Variants in MYH10 observed in about 807,000 individuals in gnomAD.
MYH10 encodes myosin-10.
A neutral mutation model predicts 257.8 loss-of-function variants in MYH10; 55 were observed. The ratio of observed to expected loss-of-function variants is 0.21; its 90% confidence interval spans 0.17 to 0.27. The LOEUF (loss-of-function observed/expected upper bound fraction) is 0.27, where lower values mean the gene tolerates loss of function less well. Among genes scored for constraint, MYH10 ranks in the 10% least tolerant of loss-of-function variants. The pLI is 1.00. For missense variants in MYH10, 1,631 were observed against 2,500.6 expected, an observed-to-expected ratio of 0.65 and a Z score of 7.42; for synonymous variants, 854 against 921.7, an observed-to-expected ratio of 0.93 and a Z score of 1.33.
At chr17:8,515,460 A>G (rs1303609836) in intron 21 of MYH10, among the ~76,000 whole-genome samples, 1 of 151,708 alleles carries the variant, frequency 6.6e-6, no homozygotes, top group Non-Finnish European at 1.5e-5. Context: ...CCACTGCTTC[A>G]TAACTGATTT....
Position 8,585,286 on chromosome 17 carries a change from G to GTATA in MYH10, c.530+3794_530+3795insTATA, listed in dbSNP as rs71361807. Among the ~76,000 whole-genome samples, 154 of 84,620 alleles carry GTATA rather than the reference G, an allele frequency of 1.8e-3. 5 individuals are homozygous for GTATA. Among genetic ancestry groups the GTATA allele is most frequent in the East Asian group, 4.3e-3 (10 of 2,332 alleles). The allele number at this position is 84,620 out of a possible 152,430, so 55.5% of individuals were successfully genotyped here. A position where few individuals can be genotyped will look rare whatever the true frequency, so the allele number is the denominator to read the frequency against. ...TGTATATATATGTGCATGTGTGTGTGTGTATATATATATATATATAGCTAC... is the reference window on the plus strand; with the variant it reads ...TGTATATATATGTGCATGTGTGTGTGTATATGTATATATATATATATATAGCTAC... On this transcript the variant is annotated intron_variant, in intron 4 of 42. Coordinates refer to ENST00000360416, the MANE Select transcript of MYH10 (RefSeq NM_001256012.3).
At chr17:8,523,708 C>A (rs139522435) in intron 17 of MYH10, among the ~76,000 whole-genome samples, 1 of 152,114 alleles carries the variant, frequency 6.6e-6, no homozygotes. Flanking sequence ...AGTCCAGGGT[C>A]TAGGCGATGA....
At chr17:8,512,232 T>C (rs1324353914) in intron 24 of MYH10, among the ~76,000 whole-genome samples, 2 of 152,130 alleles carry the variant, frequency 1.3e-5, no homozygotes, top group African/African-American at 2.4e-5. Context: ...ACTTAGAACA[T>C]AAAAAAGATT....
In MYH10 at chr17:8,553,006, A is replaced by T. The variant is rs187191437; in HGVS notation, c.821-862T>A. Among the ~76,000 whole-genome samples, 3 of 152,340 alleles carry T rather than the reference A, an allele frequency of 2.0e-5. No individual in the cohort carries two copies. The East Asian group carries it at 5.8e-4, about 29-fold the overall frequency. On this transcript the variant is annotated intron_variant, in intron 8 of 42. Transcript: ENST00000360416. Reference sequence around the variant, plus strand: ...CGGCATCTCAGAGAACGTGTATCACAGCTTTGGAAGATGTTTGCCTCTCTT... The same window carrying T: ...CGGCATCTCAGAGAACGTGTATCACTGCTTTGGAAGATGTTTGCCTCTCTT...
intron 17 of MYH10, 27 bp from the exon 18 acceptor site, chr17:8,521,312 T>C (rs540714274): frequency 6.2e-7 from 1 of 1,606,850 alleles, no homozygotes; most frequent in Admixed American, 1.7e-5. Flanking sequence ...AGAAAACAAA[T>C]ATAAGCCAAA....
intron 30 of MYH10, among the ~76,000 whole-genome samples, chr17:8,497,778 AC>A (rs1916882152): frequency 7.0e-6 from 1 of 143,518 alleles, no homozygotes; most frequent in South Asian, 2.2e-4. Context: ...TCAGAAAAAA[AC>A]CCCTGCATGT....
Position 8,548,799 on chromosome 17 carries a change from T to C in MYH10, c.920-12A>G. 1 of 1,602,172 alleles carries C rather than the reference T, an allele frequency of 6.2e-7. No homozygotes were observed. Among genetic ancestry groups the C allele is most frequent in the Non-Finnish European group, 8.5e-7 (1 of 1,170,072 alleles). ...AAGAAGCAAATCAGCTAAAAGGAAA[T>C]ATAATGGAAGAAAATTTGATAAATA... On this transcript the variant is annotated splice_polypyrimidine_tract_variant and intron_variant, in intron 9 of 42. Transcript: ENST00000360416.
Position 8,492,980 on chromosome 17 carries a change from A to G in MYH10, c.4254T>C (p.Ile1418=), listed in dbSNP as rs772828182. 2 of 1,613,882 alleles carry G rather than the reference A, an allele frequency of 1.2e-6. No homozygotes were observed. Among genetic ancestry groups the G allele is most frequent in the South Asian group, 1.1e-5 (1 of 91,058 alleles). ...KKKVDDDLGT[I]ESLEEAKKKL... ...TCTTCTTGGCTTCTTCCAGACTTTC[A>G]ATTGTTCCCAGGTCGTCATCTACTT... The change falls in exon 33 of 43, where the codon ATT becomes ATC. Residue 1418 remains isoleucine (I), a synonymous_variant. Transcript: ENST00000360416.
chr17:8,504,617 G>C lies in MYH10; in HGVS notation c.3599+77C>G. 8.6e-6 allele frequency: 11 copies of C among 1,271,836 alleles called. No homozygotes were observed. The highest frequency in any genetic ancestry group is 1.2e-5 in the Non-Finnish European group (11 of 897,056). 78.8% of individuals were successfully genotyped at this position (1,271,836 alleles called of 1,614,324 possible). Reference sequence around the variant, plus strand: ...GCACACCACCTCCCAAAGATAGCAAGCACACCAGGCATTTCTGCACGGGCT... The same window carrying C: ...GCACACCACCTCCCAAAGATAGCAACCACACCAGGCATTTCTGCACGGGCT... On this transcript the variant is annotated intron_variant, in intron 28 of 42. Transcript: ENST00000360416. The surrounding 1 kb of genome is among the most constrained non-coding windows in gnomAD (Gnocchi z 5.6).
intron 30 of MYH10, among the ~76,000 whole-genome samples, chr17:8,497,781 C>T (rs1916883150): frequency 6.7e-6 from 1 of 149,172 alleles, no homozygotes; most frequent in Non-Finnish European, 1.5e-5. Context: ...GAAAAAAACC[C>T]CTGCATGTGC....
chr17:8,477,181 G>C lies in MYH10; in HGVS notation c.5707-133C>G, dbSNP rs111345979. ...CACGCGTGTACACGGATGTACACGCGTGCCTGGGGGCTGGTCGGAGGCTCT... is the reference window on the plus strand; with the variant it reads ...CACGCGTGTACACGGATGTACACGCCTGCCTGGGGGCTGGTCGGAGGCTCT... On this transcript the variant is annotated intron_variant, in intron 41 of 42. Transcript: ENST00000360416. The surrounding 1 kb of genome is among the most constrained non-coding windows in gnomAD (Gnocchi z 4.2). 2.1e-6 allele frequency: 2 copies of C among 949,196 alleles called. No individual in the cohort carries two copies. Among genetic ancestry groups the C allele is most frequent in the Admixed American group, 5.6e-5 (2 of 35,500 alleles). The allele number at this position is 949,196 out of a possible 1,614,324, so 58.8% of individuals were successfully genotyped here. A position where few individuals can be genotyped will look rare whatever the true frequency, so the allele number is the denominator to read the frequency against.
intron 1 of MYH10, among the ~76,000 whole-genome samples, chr17:8,624,101 G>A (rs2085580631): frequency 6.6e-6 from 1 of 152,160 alleles, no homozygotes; most frequent in Admixed American, 6.5e-5. Context: ...GAAGAAAAAG[G>A]AACCATCAAC....
intron 17 of MYH10, among the ~76,000 whole-genome samples, chr17:8,526,972 T>G (rs1043246367): frequency 6.6e-6 from 1 of 152,232 alleles, no homozygotes; most frequent in African/African-American, 2.4e-5. Flanking sequence ...TCATGAAAGG[T>G]ATCCAGTGCC....
In MYH10 at chr17:8,585,276, ATG is replaced by A. The variant is rs1204023762; in HGVS notation, c.530+3803_530+3804del. ...TCTATATATGTGTATATATATGTGC[ATG>A]TGTGTGTGTGTATATATATATATAT... On this transcript the variant is annotated intron_variant, in intron 4 of 42. Transcript: ENST00000360416. Among the ~76,000 whole-genome samples, 172 of 111,510 alleles carry A rather than the reference ATG, an allele frequency of 1.5e-3. 7 individuals are homozygous for A. The highest frequency in any genetic ancestry group is 4.5e-3 in the African/African-American group (139 of 30,772). The allele number at this position is 111,510 out of a possible 152,430, so 73.2% of individuals were successfully genotyped here.
intron 4 of MYH10, among the ~76,000 whole-genome samples, chr17:8,577,836 C>A (rs1567929066): frequency 6.6e-6 from 1 of 152,096 alleles, no homozygotes; most frequent in Non-Finnish European, 1.5e-5. Context: ...CCAGCCAACC[C>A]AAATATTTCT....
At chr17:8,553,119 C>T (rs993076170) in intron 8 of MYH10, among the ~76,000 whole-genome samples, 2 of 152,190 alleles carry the variant, frequency 1.3e-5, no homozygotes. Context: ...TCCCACACAT[C>T]CTCCACGTCT....
At position 8,475,616 on chromosome 17, in the gene MYH10, A is replaced by G. The variant is rs1248767264; in HGVS notation, c.*188T>C. The G allele has an allele frequency of 1.3e-5, 8 of 617,914 alleles. 1 individual carries two copies. The highest frequency in any genetic ancestry group is 6.2e-5 in the South Asian group (3 of 48,096). 38.3% of individuals were successfully genotyped at this position (617,914 alleles called of 1,614,324 possible). ...ATATATGTGTCCTGTGTGTGTCTAT[A>G]TATAAAAAGGGGAGCAATTGTACCT... On this transcript the variant is annotated 3_prime_UTR_variant, in exon 43 of 43. Coordinates refer to ENST00000360416, the MANE Select transcript of MYH10 (RefSeq NM_001256012.3).
chr17:8,499,546 G>A, intron 29 of MYH10, 70 bp from the exon 30 acceptor site: 2 of 1,426,242 alleles, frequency 1.4e-6, no homozygotes, highest in Non-Finnish European at 2.0e-6. Context: ...ACTGCTTTTT[G>A]AGTCTGCAGA....
At chr17:8,479,020 G>C (rs187108695) in intron 40 of MYH10, among the ~76,000 whole-genome samples, 3 of 152,304 alleles carry the variant, frequency 2.0e-5, no homozygotes, top group Non-Finnish European at 2.9e-5. Flanking sequence ...CCGTGAGCCA[G>C]CGCACCCGGC....
Sources: gnomAD v4.1 joint callset for allele counts (sites outside exome capture counted in the v4.1 genomes callset) on GRCh38, gnomAD v4.1.1 for gene constraint, Gnocchi (gnomAD v3.1) non-coding constraint, MANE v1.5 for transcripts, NCBI Gene and HGNC (gene_info 2026-07-23, HGNC 2026-07-21) for gene names.